ADPRHL1: variants seen among roughly 807,000 people sequenced by gnomAD.
ADPRHL1 encodes ADP-ribosylhydrolase like 1.
A neutral mutation model predicts 44.1 loss-of-function variants in ADPRHL1; 43 were observed. The observed-to-expected ratio is 0.98, with a 90% CI of 0.76 to 1.26. The LOEUF is 1.26. ADPRHL1 is among the 50% of genes most tolerant of loss of function. ADPRHL1 has a pLI of 0.00. For missense variants in ADPRHL1, 2,022 were observed against 2,496.9 expected (o/e 0.81, Z 4.05); for synonymous variants, 878 against 1,017.4 (o/e 0.86, Z 2.61).
At chr13:113,421,096 T>C (rs2043915948) in intron 7 of ADPRHL1, among the ~76,000 whole-genome samples, 1 of 48,602 alleles carries the variant, frequency 2.1e-5, no homozygotes, top group Non-Finnish European at 3.8e-5. Context: ...AGGACATCCC[T>C]ACCCCCAGGA....
chr13:113,429,962 C>T (rs35182420), intron 3 of ADPRHL1, among the ~76,000 whole-genome samples: 10,454 of 152,286 alleles, frequency 0.069, 448 homozygotes, highest in South Asian at 0.1. Flanking sequence ...TAATAAAACA[C>T]GGTTAAGGAA....
chr13:113,449,596 C>G (rs2044166237), intron 1 of ADPRHL1, among the ~76,000 whole-genome samples: 1 of 152,272 alleles, frequency 6.6e-6, no homozygotes, highest in Non-Finnish European at 1.5e-5. Context: ...CAGAGAGGCT[C>G]ACCCGGAAGG....
intron 3 of ADPRHL1, among the ~76,000 whole-genome samples, chr13:113,431,442 G>A (rs1037065114): frequency 3.3e-5 from 5 of 152,236 alleles, no homozygotes; most frequent in African/African-American, 1.2e-4. Context: ...AGCGGCAAGA[G>A]TCTATGAATG....
At chr13:113,414,679 GTTT>G (rs34698707) in intron 7 of ADPRHL1, among the ~76,000 whole-genome samples, 1 of 138,898 alleles carries the variant, frequency 7.2e-6, no homozygotes, top group Non-Finnish European at 1.6e-5. Context: ...TCTGTTTTCT[GTTT>G]TTTTTTTTTT....
At chr13:113,446,643 A>G (rs1468723187) in intron 1 of ADPRHL1, among the ~76,000 whole-genome samples, 3 of 152,152 alleles carry the variant, frequency 2.0e-5, no homozygotes, top group African/African-American at 7.2e-5. Flanking sequence ...TGGTGTCTAC[A>G]TGCGCAGTGT....
At chr13:113,439,444 ATTT>A (rs34104211) in intron 2 of ADPRHL1, among the ~76,000 whole-genome samples, 38 of 137,862 alleles carry the variant, frequency 2.8e-4, no homozygotes, top group Non-Finnish European at 3.4e-4. Flanking sequence ...TTTTCTTTGT[ATTT>A]TTTTTTTTTT....
intron 2 of ADPRHL1, among the ~76,000 whole-genome samples, chr13:113,437,210 G>A (rs1331863282): frequency 4.8e-5 from 7 of 144,948 alleles, no homozygotes; most frequent in Admixed American, 2.1e-4. Flanking sequence ...GCACCCACAC[G>A]TAGAGTGAAC....
chr13:113,448,567 A>C (rs2044158179), intron 1 of ADPRHL1, among the ~76,000 whole-genome samples: 1 of 151,752 alleles, frequency 6.6e-6, no homozygotes, highest in South Asian at 2.1e-4. Flanking sequence ...TTGTAGCAAA[A>C]TGTCAACTGT....
Position 113,404,637 on chromosome 13 carries a change from G to A in ADPRHL1, c.4645C>T (p.Gln1549Ter), listed in dbSNP as rs2043793080. The change falls in exon 8 of 8, where the codon CAG becomes TAG. Residue 1549 changes from glutamine to a stop codon, truncating the protein, a stop_gained. Coordinates refer to ENST00000612156, the MANE Select transcript of ADPRHL1 (RefSeq NM_001394807.1). LOFTEE classifies it low-confidence loss of function (END_TRUNC). Reference sequence around the variant, plus strand: ...TGGGCCTGTTCTTGAGCGTGTCCCTGAGCCTGTCCCTGGGCCCAATTCTGA... The same window carrying A: ...TGGGCCTGTTCTTGAGCGTGTCCCTAAGCCTGTCCCTGGGCCCAATTCTGA... Reference protein sequence around the residue: ...QFQNWAQGQAQGHAQEQAQWQ... With the variant: ...QFQNWAQGQA 3.1e-6 allele frequency: 4 copies of A among 1,310,162 alleles called. No individual in the cohort carries two copies. Among genetic ancestry groups the A allele is most frequent in the South Asian group, 2.4e-5 (1 of 40,912 alleles). 81.2% of individuals were successfully genotyped at this position (1,310,162 alleles called of 1,614,324 possible). A position where few individuals can be genotyped will look rare whatever the true frequency, so the allele number is the denominator to read the frequency against.
intron 4 of ADPRHL1, among the ~76,000 whole-genome samples, chr13:113,426,414 T>A (rs1362073933): frequency 6.6e-6 from 1 of 152,180 alleles, no homozygotes; most frequent in South Asian, 2.1e-4. Context: ...GCCGATCACA[T>A]GAGGTGACAG....
At position 113,405,515 on chromosome 13, in the gene ADPRHL1, C is replaced by T. The variant is rs1160105811; in HGVS notation, c.3767G>A (p.Gly1256Asp). The T allele has an allele frequency of 1.6e-6, 2 of 1,232,030 alleles. No individual in the cohort carries two copies. The highest frequency in any genetic ancestry group is 1.6e-5 in the African/African-American group (1 of 64,436). The allele number at this position is 1,232,030 out of a possible 1,614,324, so 76.3% of individuals were successfully genotyped here. ...AGGAATTCCAGACTCTGTGCTGAAA[C>T]CCAAAAGGTTTCCTTCCACAGCCAC... Reference protein sequence around the residue: ...KDVAVEGNLLGFSTESGIPAS... With the variant: ...KDVAVEGNLLDFSTESGIPAS... Residue 1256 changes from glycine to aspartate, a missense_variant, in exon 8 of 8, where the codon GGT becomes GAT. Around this residue, in one of 8 missense-constraint regions of ADPRHL1, gnomAD observed 1,221 missense variants for 1,517.8 expected, o/e 0.80. Transcript: ENST00000612156.
intron 7 of ADPRHL1, among the ~76,000 whole-genome samples, chr13:113,418,257 C>T (rs4329817): frequency 0.99 from 150,739 of 152,318 alleles, 74,606 homozygotes; most frequent in Middle Eastern, 1. Flanking sequence ...ATGGAATAGA[C>T]AGGGGAAATA....
At chr13:113,448,440 C>T (rs1375620192) in intron 1 of ADPRHL1, among the ~76,000 whole-genome samples, 4 of 115,220 alleles carry the variant, frequency 3.5e-5, no homozygotes, top group Admixed American at 1.3e-4. Context: ...TACTCCAGCC[C>T]GGGCAAAAGA....
At chr13:113,425,317 T>C (rs2043960470) in intron 4 of ADPRHL1, 138 bp from the exon 5 acceptor site, 1 of 839,700 alleles carries the variant, frequency 1.2e-6, no homozygotes. Flanking sequence ...GCTGCAGGCA[T>C]GTGGAGAAGC....
intron 3 of ADPRHL1, among the ~76,000 whole-genome samples, chr13:113,433,436 G>A (rs1365056302): frequency 6.6e-6 from 1 of 152,112 alleles, no homozygotes; most frequent in African/African-American, 2.4e-5. Flanking sequence ...CGTGCTTATC[G>A]CTAATCCTGC....
At chr13:113,434,515 T>C (rs12875772) in intron 2 of ADPRHL1, among the ~76,000 whole-genome samples, 146 of 96,728 alleles carry the variant, frequency 1.5e-3, no homozygotes, top group African/African-American at 2.2e-3. Flanking sequence ...GGACCCAGCA[T>C]CCACATGTAG....
chr13:113,434,368 G>C (rs1216728559), intron 2 of ADPRHL1, among the ~76,000 whole-genome samples: 5 of 148,390 alleles, frequency 3.4e-5, no homozygotes, highest in Non-Finnish European at 7.4e-5. Context: ...GATGAACATA[G>C]GTGTACCCTG....
intron 1 of ADPRHL1, among the ~76,000 whole-genome samples, chr13:113,452,489 C>T (rs748961741): frequency 6.6e-6 from 1 of 152,190 alleles, no homozygotes; most frequent in African/African-American, 2.4e-5. Flanking sequence ...ACAGCACCCA[C>T]GGGGTTTTGA....
chr13:113,451,786 C>T (rs908296897), intron 1 of ADPRHL1, among the ~76,000 whole-genome samples: 2 of 151,674 alleles, frequency 1.3e-5, no homozygotes, highest in Non-Finnish European at 2.9e-5. Context: ...CCAGCCTGGG[C>T]GATGGAGAAA....
Sources: gnomAD v4.1 joint callset for allele counts (sites outside exome capture counted in the v4.1 genomes callset) on GRCh38, gnomAD v4.1.1 for gene constraint, gnomAD v4.1.1 regional missense constraint, MANE v1.5 for transcripts, NCBI Gene and HGNC (gene_info 2026-07-23, HGNC 2026-07-21) for gene names.